PCP4: variants seen among roughly 807,000 people sequenced by gnomAD.
PCP4 encodes Purkinje cell protein 4.
Under a neutral mutation model 10.0 loss-of-function variants are expected in PCP4, and 8 were observed. That is an observed-to-expected ratio of 0.80 (90% CI 0.47 to 1.45). PCP4 has a LOEUF of 1.45. PCP4 is among the 40% of genes most tolerant of loss of function. The pLI is 0.00. For synonymous variants in PCP4, 21 were observed against 23.0 expected, an observed-to-expected ratio of 0.91 and a Z score of 0.24; for missense variants, 54 against 74.4, an observed-to-expected ratio of 0.73 and a Z score of 1.01.
At chr21:39,927,333 CT>C (rs532157815) in intron 2 of PCP4, among the ~76,000 whole-genome samples, 10,835 of 84,848 alleles carry the variant, frequency 0.13, 496 homozygotes, top group Middle Eastern at 0.21. Context: ...ATCTATCTAT[CT>C]ATCTGTCTAT....
At chr21:39,892,522 C>T (rs990690745) in intron 1 of PCP4, among the ~76,000 whole-genome samples, 3 of 152,006 alleles carry the variant, frequency 2.0e-5, no homozygotes, top group Admixed American at 2.0e-4. Context: ...GGGGGCCACA[C>T]TGCAAGATCA....
intron 2 of PCP4, among the ~76,000 whole-genome samples, chr21:39,916,486 A>C (rs374992467): frequency 6.6e-6 from 1 of 152,158 alleles, no homozygotes; most frequent in Non-Finnish European, 1.5e-5. Context: ...ATTTTCCTCC[A>C]TCCCTTTGTT....
intron 2 of PCP4, among the ~76,000 whole-genome samples, chr21:39,907,900 C>G (rs57251444): frequency 6.6e-6 from 1 of 152,140 alleles, no homozygotes; most frequent in African/African-American, 2.4e-5. Context: ...GAGAGTGAAT[C>G]TGAGAAGCAA....
chr21:39,878,668 T>G (rs572390945), intron 1 of PCP4, among the ~76,000 whole-genome samples: 2 of 152,360 alleles, frequency 1.3e-5, no homozygotes, highest in African/African-American at 4.8e-5. Context: ...TTGTGAGAAC[T>G]GTGTACATGG....
chr21:39,923,097 C>T lies in PCP4; in HGVS notation c.62-5887C>T, dbSNP rs1331465352. 3.9e-5 allele frequency among the ~76,000 whole-genome samples: 6 copies of T among 152,200 alleles called. No individual in the cohort carries two copies. The East Asian group carries it at 1.2e-3, about 29-fold the overall frequency. The stretch of plus-strand genomic sequence containing the variant: ...TGCAGAGTGGGAAAAGGTAGAATTC[C>T]AGGACCTGCGGCAAATACAAGTAAT... On this transcript the variant is annotated intron_variant, in intron 2 of 2. Transcript: ENST00000328619.
At chr21:39,871,729 G>T (rs533976728) in intron 1 of PCP4, among the ~76,000 whole-genome samples, 1 of 152,292 alleles carries the variant, frequency 6.6e-6, no homozygotes, top group African/African-American at 2.4e-5. Context: ...TCCCAGGGCC[G>T]ATGATTGTTA....
At chr21:39,922,740 G>A (rs1388254616) in intron 2 of PCP4, among the ~76,000 whole-genome samples, 1 of 152,190 alleles carries the variant, frequency 6.6e-6, no homozygotes, top group East Asian at 1.9e-4. Context: ...CAATGTGACA[G>A]GTGCACAGGT....
At chr21:39,910,979 A>T (rs2087537160) in intron 2 of PCP4, among the ~76,000 whole-genome samples, 1 of 152,180 alleles carries the variant, frequency 6.6e-6, no homozygotes, top group African/African-American at 2.4e-5. Flanking sequence ...GCAGCATTGT[A>T]CGACGACATT....
chr21:39,896,790 G>A (rs2087458833), intron 1 of PCP4, among the ~76,000 whole-genome samples: 1 of 152,148 alleles, frequency 6.6e-6, no homozygotes, highest in Non-Finnish European at 1.5e-5. Context: ...AATGACCTGA[G>A]AATTTCTTAT....
intron 1 of PCP4, among the ~76,000 whole-genome samples, chr21:39,888,285 C>A (rs1327842534): frequency 6.6e-6 from 1 of 152,194 alleles, no homozygotes; most frequent in African/African-American, 2.4e-5. Flanking sequence ...TAGACAGGGG[C>A]CAACAGAAGT....
chr21:39,903,024 G>T (rs1287819219), intron 2 of PCP4, among the ~76,000 whole-genome samples: 2 of 152,108 alleles, frequency 1.3e-5, no homozygotes, highest in East Asian at 3.9e-4. Flanking sequence ...AAAGATTTTT[G>T]GGGGAAACTA....
intron 2 of PCP4, among the ~76,000 whole-genome samples, chr21:39,911,650 C>T (rs879608382): frequency 1.3e-4 from 20 of 152,212 alleles, no homozygotes; most frequent in Admixed American, 8.5e-4. Flanking sequence ...CAGAGGTTGC[C>T]GGGATAGGTG....
At chr21:39,893,031 C>T (rs534396132) in intron 1 of PCP4, among the ~76,000 whole-genome samples, 3 of 152,250 alleles carry the variant, frequency 2.0e-5, no homozygotes, top group East Asian at 3.9e-4. Flanking sequence ...GATGGTTACC[C>T]TCCGGGGCTG....
At chr21:39,897,784 C>T (rs997382446) in intron 1 of PCP4, among the ~76,000 whole-genome samples, 4 of 151,928 alleles carry the variant, frequency 2.6e-5, no homozygotes, top group East Asian at 1.9e-4. Flanking sequence ...CGGTGGCTCA[C>T]GCCTGTAATC....
intron 2 of PCP4, among the ~76,000 whole-genome samples, chr21:39,921,910 G>A (rs2087598369): frequency 6.6e-6 from 1 of 152,202 alleles, no homozygotes; most frequent in African/African-American, 2.4e-5. Context: ...ACTGATGTGA[G>A]AACCTCTGCT....
At chr21:39,880,150 A>G in intron 1 of PCP4, among the ~76,000 whole-genome samples, 1 of 139,634 alleles carries the variant, frequency 7.2e-6, no homozygotes, top group South Asian at 2.1e-4. Flanking sequence ...CTATATCTAT[A>G]TCTATATCTA....
chr21:39,928,296 G>C (rs767946559), intron 2 of PCP4, among the ~76,000 whole-genome samples: 56 of 152,162 alleles, frequency 3.7e-4, no homozygotes, highest in Non-Finnish European at 6.6e-4. Flanking sequence ...GCCCTGTGCT[G>C]TGGTAAGGTA....
At chr21:39,913,895 G>T (rs1162679526) in intron 2 of PCP4, among the ~76,000 whole-genome samples, 1 of 152,148 alleles carries the variant, frequency 6.6e-6, no homozygotes, top group Non-Finnish European at 1.5e-5. Context: ...GCAGGGATTA[G>T]AAGCTCAGGG....
chr21:39,880,774 G>A (rs2087371896), intron 1 of PCP4, among the ~76,000 whole-genome samples: 1 of 152,188 alleles, frequency 6.6e-6, no homozygotes, highest in Non-Finnish European at 1.5e-5. Context: ...GTCTACCTTA[G>A]TAATTCCGGG....
Sources: gnomAD v4.1 joint callset for allele counts (sites outside exome capture counted in the v4.1 genomes callset) on GRCh38, gnomAD v4.1.1 for gene constraint, MANE v1.5 for transcripts, NCBI Gene and HGNC (gene_info 2026-07-23, HGNC 2026-07-21) for gene names.